HK2: variants seen among roughly 807,000 people sequenced by gnomAD.
HK2 encodes hexokinase-2.
Under a neutral mutation model 92.9 loss-of-function variants are expected in HK2, and 42 were observed. The observed-to-expected ratio is 0.45, with a 90% CI of 0.35 to 0.58. The LOEUF (loss-of-function observed/expected upper bound fraction) is 0.58. Among genes scored for constraint, HK2 ranks in the 20% least tolerant of loss-of-function variants. The pLI is 0.00. For missense variants in HK2, 978 were observed against 1,245.1 expected (o/e 0.79, Z 3.23); for synonymous variants, 422 against 468.0 (o/e 0.90, Z 1.27).
intron 3 of HK2, among the ~76,000 whole-genome samples, chr2:74,869,143 C>T (rs2103943474): frequency 6.6e-6 from 1 of 150,696 alleles, no homozygotes; most frequent in Middle Eastern, 3.4e-3. Context: ...AACTATGAGA[C>T]CCACCTTGAA....
intron 17 of HK2, among the ~76,000 whole-genome samples, chr2:74,890,426 C>T (rs561161368): frequency 2.0e-5 from 3 of 152,344 alleles, no homozygotes; most frequent in East Asian, 3.9e-4. Context: ...TGGTCTCCCC[C>T]TCCAGAGTTG....
At position 74,880,497 on chromosome 2, in the gene HK2, A is replaced by C; in HGVS notation, c.1498A>C (p.Ser500Arg). The stretch of plus-strand genomic sequence containing the variant: ...GAAGGTAGAAATGGAGCGAGGTCTG[A>C]GCAAGGAGACTCATGCCAGTGCCCC... ...RMKVEMERGL[S>R]KETHASAPVK... Residue 500 changes from serine to arginine, a missense_variant, in exon 10 of 18, where the codon AGC becomes CGC. Coordinates refer to ENST00000290573, the MANE Select transcript of HK2 (RefSeq NM_000189.5). 6.2e-7 allele frequency: 1 copy of C among 1,614,212 alleles called. No homozygotes were observed. The highest frequency in any genetic ancestry group is 8.5e-7 in the Non-Finnish European group (1 of 1,180,024).
intron 15 of HK2, among the ~76,000 whole-genome samples, chr2:74,887,207 C>A (rs1016113789): frequency 6.6e-6 from 1 of 152,216 alleles, no homozygotes; most frequent in South Asian, 2.1e-4. Flanking sequence ...CCTAGTCCTG[C>A]AGAATACGCT....
chr2:74,874,524 G>T, intron 7 of HK2, 75 bp downstream of exon 7: 1 of 1,427,960 alleles, frequency 7.0e-7, no homozygotes, highest in South Asian at 1.3e-5. Flanking sequence ...GGGGCCAGGG[G>T]GTTGTTTCTT....
chr2:74,876,825 A>G (rs28363010), intron 7 of HK2, among the ~76,000 whole-genome samples: 1,700 of 152,326 alleles, frequency 0.011, 32 homozygotes, highest in African/African-American at 0.037. Flanking sequence ...AATTTTAAAA[A>G]TGATTTCCTG....
rs1573391855 is a variant in HK2, at chr2:74,886,332, A to T, written c.1974A>T (p.Thr658=). ...ATGTGGTTGCTGTGGTGAACGACACAGTCGGAACTATGATGACCTGTGGCT... is the reference window on the plus strand; with the variant it reads ...ATGTGGTTGCTGTGGTGAACGACACTGTCGGAACTATGATGACCTGTGGCT... ...DLDVVAVVND[T]VGTMMTCGFE... The change falls in exon 14 of 18, where the codon ACA becomes ACT. Residue 658 remains threonine, a synonymous_variant. Transcript: ENST00000290573. 6.2e-7 allele frequency: 1 copy of T among 1,614,208 alleles called. No homozygotes were observed. Among genetic ancestry groups the T allele is most frequent in the East Asian group, 2.2e-5 (1 of 44,880 alleles).
chr2:74,868,502 A>G (rs964402837), intron 3 of HK2, among the ~76,000 whole-genome samples: 2 of 152,328 alleles, frequency 1.3e-5, no homozygotes, highest in South Asian at 4.1e-4. Flanking sequence ...TGTGGTGTAG[A>G]TTAGAGGAGA....
chr2:74,849,294 A>C (rs1338941205), intron 1 of HK2, among the ~76,000 whole-genome samples: 2 of 152,212 alleles, frequency 1.3e-5, no homozygotes, highest in African/African-American at 4.8e-5. Flanking sequence ...TGGGCATGTC[A>C]GACTGGTATG....
chr2:74,860,031 A>G (rs1371832844), intron 2 of HK2, among the ~76,000 whole-genome samples: 2 of 152,228 alleles, frequency 1.3e-5, no homozygotes, highest in Non-Finnish European at 2.9e-5. Context: ...TCATGGATGG[A>G]ACTGGAGGCT....
At chr2:74,860,340 TAAAA>T (rs941497640) in intron 2 of HK2, among the ~76,000 whole-genome samples, 1 of 151,902 alleles carries the variant, frequency 6.6e-6, no homozygotes, top group African/African-American at 2.4e-5. Context: ...TTTAAACAAC[TAAAA>T]AAAACCTCCA....
At chr2:74,860,092 C>T (rs1348677930) in intron 2 of HK2, among the ~76,000 whole-genome samples, 1 of 149,824 alleles carries the variant, frequency 6.7e-6, no homozygotes, top group Non-Finnish European at 1.5e-5. Flanking sequence ...CACGTTTTCA[C>T]TTATAAGTGG....
At chr2:74,873,756 A>AGGAGGAGGT in intron 5 of HK2, 88 bp from the exon 6 acceptor site, 1 of 812,688 alleles carries the variant, frequency 1.2e-6, no homozygotes. Flanking sequence ...AAGGAGGAGG[A>AGGAGGAGGT]GGAGGAGGAG....
In HK2 at chr2:74,890,926, G is replaced by T. The variant is rs1399036606; in HGVS notation, c.2739G>T (p.Glu913Asp). Reference sequence around the variant, plus strand: ...CTGCTGTGGCCTGCCGCATCCGTGAGGCTGGACAGCGATAGAACCCCTGAA... The same window carrying T: ...CTGCTGTGGCCTGCCGCATCCGTGATGCTGGACAGCGATAGAACCCCTGAA... Reference protein sequence around the residue: ...LITAVACRIREAGQR With the variant: ...LITAVACRIRDAGQR The change falls in exon 18 of 18, where the codon GAG (glutamate) becomes GAT (aspartate). Residue 913 changes from glutamate to aspartate, a missense_variant. By Grantham distance (45) the Glu-to-Asp change is conservative. This residue lies in a region of HK2 where 742 missense variants were observed against 922.5 expected (regional missense o/e 0.80). Transcript: ENST00000290573. 1 of 1,614,200 alleles carries T rather than the reference G, an allele frequency of 6.2e-7. No homozygotes were observed. Among genetic ancestry groups the T allele is most frequent in the Non-Finnish European group, 8.5e-7 (1 of 1,180,048 alleles).
intron 1 of HK2, among the ~76,000 whole-genome samples, chr2:74,853,442 G>A (rs1274426579): frequency 1.3e-5 from 2 of 151,896 alleles, no homozygotes; most frequent in East Asian, 3.9e-4. Context: ...GCTTGAACCC[G>A]GGAGGCAGAG....
intron 2 of HK2, among the ~76,000 whole-genome samples, chr2:74,865,403 C>G (rs1402113609): frequency 6.6e-6 from 1 of 152,094 alleles, no homozygotes; most frequent in African/African-American, 2.4e-5. Context: ...GGCAGCCTCG[C>G]CACCTCGGTC....
At chr2:74,883,328 C>A (rs2068358) in intron 12 of HK2, among the ~76,000 whole-genome samples, 1 of 151,882 alleles carries the variant, frequency 6.6e-6, no homozygotes, top group East Asian at 1.9e-4. Flanking sequence ...GATACTGAAG[C>A]CCCCAGGACA....
At position 74,834,558 on chromosome 2, in the gene HK2, C is replaced by T; in HGVS notation, c.-23C>T. 1 of 1,613,508 alleles carries T rather than the reference C, an allele frequency of 6.2e-7. No individual in the cohort carries two copies. Among genetic ancestry groups the T allele is most frequent in the Non-Finnish European group, 8.5e-7 (1 of 1,179,504 alleles). The stretch of plus-strand genomic sequence containing the variant: ...GCGTCTCCGCCTCGGTTTCCCAACT[C>T]TGCGCCGTCGGGCCGCGGCAGGATG... On this transcript the variant is annotated 5_prime_UTR_variant, in exon 1 of 18. Transcript: ENST00000290573. This position sits in a 1 kb window ranked among gnomAD's most constrained non-coding sequence, Gnocchi z 4.2.
At chr2:74,849,128 C>G (rs1409771430) in intron 1 of HK2, among the ~76,000 whole-genome samples, 1 of 152,222 alleles carries the variant, frequency 6.6e-6, no homozygotes, top group African/African-American at 2.4e-5. Flanking sequence ...AATTTCCTCT[C>G]CTTTTTTAAG....
intron 1 of HK2, among the ~76,000 whole-genome samples, chr2:74,839,013 A>G (rs1168267797): frequency 6.6e-6 from 1 of 152,210 alleles, no homozygotes. Flanking sequence ...GAATCCTGTA[A>G]TAGACATAGC....
Sources: allele counts gnomAD v4.1 joint callset (sites outside exome capture counted in the v4.1 genomes callset), GRCh38; gene constraint gnomAD v4.1.1; regional missense constraint gnomAD v4.1.1; non-coding constraint Gnocchi (gnomAD v3.1); transcripts MANE v1.5; gene names NCBI Gene and HGNC (gene_info 2026-07-23, HGNC 2026-07-21).